VSX1: variants seen among roughly 807,000 people sequenced by gnomAD.
VSX1 encodes visual system homeobox 1.
In VSX1, 23 loss-of-function variants were observed where a neutral mutation model predicts 23.6. The observed-to-expected ratio is 0.97, with a 90% CI of 0.70 to 1.38. The LOEUF is 1.38. VSX1 is among the 40% of genes most tolerant of loss of function. VSX1 has a pLI of 0.00. For synonymous variants in VSX1, 247 were observed against 215.1 expected (o/e 1.15, Z -1.30); for missense variants, 517 against 495.4 (o/e 1.04, Z -0.41).
chr20:25,073,593 A>C (rs1336670366), downstream of VSX1, among the ~76,000 whole-genome samples: 3 of 152,210 alleles, frequency 2.0e-5, no homozygotes, highest in Non-Finnish European at 1.5e-5. Flanking sequence ...CAAACAAGGA[A>C]TTCTGCCCAC....
At position 25,081,741 on chromosome 20, in the gene VSX1, G is replaced by T. The variant is rs1231346693; in HGVS notation, c.356C>A (p.Pro119Gln). Residue 119 changes from proline to glutamine, a missense_variant, in exon 1 of 5, where the codon CCG becomes CAG. Pro to Gln is a moderately conservative substitution (Grantham distance 76). Coordinates refer to ENST00000376709, the MANE Select transcript of VSX1 (RefSeq NM_014588.6). Reference protein sequence around the residue: ...LPPRGPEPAAPLAPSRPPPAL... With the variant: ...LPPRGPEPAAQLAPSRPPPAL... ...AGGCGGCGGACGGCTGGGAGCCAGC[G>T]GGGCAGCGGGCTCGGGGCCCCTGGG... The T allele has an allele frequency of 1.3e-6, 2 of 1,499,962 alleles. No homozygotes were observed. The highest frequency in any genetic ancestry group is 1.8e-6 in the Non-Finnish European group (2 of 1,132,588). The allele number at this position is 1,499,962 out of a possible 1,614,324, so 92.9% of individuals were successfully genotyped here.
intron 1 of VSX1, among the ~76,000 whole-genome samples, chr20:25,081,248 C>T (rs918120925): frequency 5.3e-5 from 8 of 152,204 alleles, no homozygotes; most frequent in African/African-American, 1.9e-4. Flanking sequence ...ATCATTTCCG[C>T]CCGCGTTTCC....
intron 4 of VSX1, 82 bp from the exon 5 acceptor site, chr20:25,076,632 C>T: frequency 6.9e-7 from 1 of 1,449,990 alleles, no homozygotes; most frequent in Admixed American, 2.1e-5. Flanking sequence ...TCTTATTGTT[C>T]TCTAAATCCC....
chr20:25,077,036 C>G (rs776473395), intron 4 of VSX1, among the ~76,000 whole-genome samples: 4 of 152,232 alleles, frequency 2.6e-5, no homozygotes, highest in Non-Finnish European at 2.9e-5. Context: ...TAAAATGCCA[C>G]CATGATCCTC....
intron 4 of VSX1, among the ~76,000 whole-genome samples, chr20:25,076,781 G>A (rs998880680): frequency 5.3e-5 from 8 of 152,114 alleles, no homozygotes; most frequent in African/African-American, 1.7e-4. Flanking sequence ...ACAGTGATTG[G>A]CATTGGGCCC....
At chr20:25,081,085 C>T (rs2089629913) in intron 1 of VSX1, among the ~76,000 whole-genome samples, 1 of 152,236 alleles carries the variant, frequency 6.6e-6, no homozygotes, top group Non-Finnish European at 1.5e-5. Context: ...ACAATGAATC[C>T]CCAAGGTTGC....
Position 25,082,011 on chromosome 20 carries a change from C to A in VSX1, c.86G>T (p.Arg29Leu). The A allele has an allele frequency of 6.5e-7, 1 of 1,534,914 alleles. No homozygotes were observed. The highest frequency in any genetic ancestry group is 8.7e-7 in the Non-Finnish European group (1 of 1,146,882). The part of the protein sequence containing the change: ...PGGSPRGSRP[R>L]GFAITDLLGL... ...CAGCAGGTCCGTGATGGCGAAGCCC[C>A]GGGGGCGCGAGCCCCTAGGGGAACC... Residue 29 changes from arginine (R) to leucine (L), a missense_variant, in exon 1 of 5, where the codon CGG becomes CTG. Coordinates refer to ENST00000376709, the MANE Select transcript of VSX1 (RefSeq NM_014588.6).
rs1376612224 is a variant in VSX1, at chr20:25,082,084, C to T, written c.13G>A (p.Asp5Asn). 11 of 1,538,118 alleles carry T rather than the reference C, an allele frequency of 7.2e-6. No homozygotes were observed. The East Asian group carries it at 2.7e-4, about 37-fold the overall frequency. Residue 5 changes from aspartate to asparagine, a missense_variant, in exon 1 of 5, where the codon GAC (aspartate) becomes AAC (asparagine). Coordinates refer to ENST00000376709, the MANE Select transcript of VSX1 (RefSeq NM_014588.6). ...CTAGTGCGCCCGTCGGAAAGCGAGT[C>T]CCGGCCGGTCATGGTTCCTTAGCAA... MTGRDSLSDGRTSSR... is the reference protein window; with the variant it reads MTGRNSLSDGRTSSR...
rs2089577584 is a variant in VSX1 at position 25,078,987 on chromosome 20, G to A, written c.504-35C>T. 1.9e-6 allele frequency: 3 copies of A among 1,612,320 alleles called. No homozygotes were observed. The Admixed American group carries it at 5.0e-5, about 27-fold the overall frequency. On this transcript the variant is annotated intron_variant, in intron 2 of 4. Coordinates refer to ENST00000376709, the MANE Select transcript of VSX1 (RefSeq NM_014588.6). ...CCCCAAAACACACAGGTGGGCACAT[G>A]TCCCCTGGGGACAGCAGCCTCCCTG...
At chr20:25,078,542 A>C (rs1600383393) in intron 3 of VSX1, 3 of 1,345,660 alleles carry the variant, frequency 2.2e-6, no homozygotes, top group Non-Finnish European at 1.9e-6. Flanking sequence ...ATGGAGAGGT[A>C]GTCTCTTTTT....
chr20:25,079,231 A>G lies in VSX1; in HGVS notation c.503+205T>C, dbSNP rs796846913. ...TTGTCTTTAAAATGCTCCCAAAAAA[A>G]TGCTAGCAAGATTGTAGCATTTTCC... On this transcript the variant is annotated intron_variant, in intron 2 of 4. Transcript: ENST00000376709. Among the ~76,000 whole-genome samples, 23 of 152,362 alleles carry G rather than the reference A, an allele frequency of 1.5e-4. 1 individual carries two copies. The highest frequency in any genetic ancestry group is 5.0e-4 in the African/African-American group (21 of 41,588).
chr20:25,081,622 G>T (rs1210999989), intron 1 of VSX1, 51 bp downstream of exon 1: 1 of 1,538,384 alleles, frequency 6.5e-7, no homozygotes, highest in Non-Finnish European at 8.7e-7. Flanking sequence ...CCCCTGCGCG[G>T]CTCAGAGCCT....
In VSX1 at chr20:25,077,771, A is replaced by G. The variant is rs751263466; in HGVS notation, c.722T>C (p.Met241Thr). The G allele has an allele frequency of 1.3e-6, 2 of 1,550,918 alleles. No homozygotes were observed. Residue 241 changes from methionine to threonine, a missense_variant, in exon 4 of 5, where the codon ATG becomes ACG. Met to Thr is a moderately conservative substitution (Grantham distance 81). Coordinates refer to ENST00000376709, the MANE Select transcript of VSX1 (RefSeq NM_014588.6). ...VMAEYGLYGA[M>T]VRHCIPLPDS... Reference sequence around the variant, plus strand: ...TGGCAGCGGGATGCAGTGGCGCACCATGGCCCCGTACAGCCCGTACTCGGC... The same window carrying G: ...TGGCAGCGGGATGCAGTGGCGCACCGTGGCCCCGTACAGCCCGTACTCGGC...
rs1268593979 is a variant in VSX1 at position 25,081,873 on chromosome 20, C to T, written c.224G>A (p.Arg75His). 1 of 1,524,178 alleles carries T rather than the reference C, an allele frequency of 6.6e-7. No homozygotes were observed. The highest frequency in any genetic ancestry group is 8.7e-7 in the Non-Finnish European group (1 of 1,142,990). The allele number at this position is 1,524,178 out of a possible 1,614,324, so 94.4% of individuals were successfully genotyped here. Residue 75 changes from arginine (R) to histidine (H), a missense_variant, in exon 1 of 5, where the codon CGT becomes CAT. Coordinates refer to ENST00000376709, the MANE Select transcript of VSX1 (RefSeq NM_014588.6). Reference protein sequence around the residue: ...GPGLDGSSLARGALPLGLGLL... With the variant: ...GPGLDGSSLAHGALPLGLGLL... ...GCCGAGTCCCAGCGGTAGGGCCCCA[C>T]GCGCCAGGCTGGAGCCGTCAAGCCC...
Position 25,076,178 on chromosome 20 carries a change from T to C in VSX1, c.*83A>G, listed in dbSNP as rs2089486118. On this transcript the variant is annotated 3_prime_UTR_variant, in exon 5 of 5. Coordinates refer to ENST00000376709, the MANE Select transcript of VSX1 (RefSeq NM_014588.6). The stretch of plus-strand genomic sequence containing the variant: ...AGAAGAAAATCAAACTGAGAGTATA[T>C]GTCTTGGACAATTTTTGTCTTTTGG... 1.9e-6 allele frequency: 3 copies of C among 1,587,146 alleles called. No individual in the cohort carries two copies. Among genetic ancestry groups the C allele is most frequent in the Non-Finnish European group, 1.7e-6 (2 of 1,158,388 alleles).
At chr20:25,073,075 C>T (rs73331209), downstream of VSX1, among the ~76,000 whole-genome samples, 4,259 of 152,228 alleles carry the variant, frequency 0.028, 198 homozygotes, top group African/African-American at 0.098. Context: ...ATCCTGCTGG[C>T]CTCTCCATCC....
downstream of VSX1, chr20:25,072,700 T>A: frequency 2.1e-6 from 1 of 470,860 alleles, no homozygotes; most frequent in Non-Finnish European, 4.4e-6. Flanking sequence ...CAGAAAACAA[T>A]TGTGTTTTCA....
intron 3 of VSX1, chr20:25,078,621 T>C (rs1338465934): frequency 1.4e-6 from 2 of 1,477,006 alleles, no homozygotes; most frequent in Non-Finnish European, 1.8e-6. Context: ...TTTTAAAGAA[T>C]GATTTGATAC....
downstream of VSX1, among the ~76,000 whole-genome samples, chr20:25,074,555 T>G (rs1231446495): frequency 1.3e-5 from 2 of 152,264 alleles, no homozygotes; most frequent in African/African-American, 4.8e-5. Flanking sequence ...GTTATTCATT[T>G]CATTTTCATT....
Sources: allele counts gnomAD v4.1 joint callset (sites outside exome capture counted in the v4.1 genomes callset), GRCh38; gene constraint gnomAD v4.1.1; transcripts MANE v1.5; gene names NCBI Gene and HGNC (gene_info 2026-07-23, HGNC 2026-07-21).